Variants in DPP6 observed in about 807,000 individuals in gnomAD.
DPP6 encodes the protein dipeptidyl peptidase like 6, also known as A-type potassium channel modulatory protein DPP6.
A neutral mutation model predicts 122.6 loss-of-function variants in DPP6; 69 were observed. That is an observed-to-expected ratio of 0.56 (90% confidence interval 0.46 to 0.69). The LOEUF (loss-of-function observed/expected upper bound fraction) is 0.69. DPP6 is among the 30% of genes least tolerant of loss of function. The probability of loss-of-function intolerance (pLI) is 0.00; values close to 1 mark genes in which losing one functional copy is unlikely to be tolerated. For synonymous variants in DPP6, 418 were observed against 433.1 expected, an observed-to-expected ratio of 0.97 and a Z score of 0.43; for missense variants, 928 against 1,116.9, an observed-to-expected ratio of 0.83 and a Z score of 2.41.
chr7:154,261,857 C>G (rs1040876477), intron 1 of DPP6, among the ~76,000 whole-genome samples: 1 of 152,218 alleles, frequency 6.6e-6, no homozygotes, highest in Non-Finnish European at 1.5e-5. Flanking sequence ...CTTACTCCTG[C>G]AAGAATGATT....
intron 3 of DPP6, among the ~76,000 whole-genome samples, chr7:154,536,557 C>G (rs1204705579): frequency 2.0e-5 from 3 of 152,098 alleles, no homozygotes; most frequent in African/African-American, 7.2e-5. Context: ...GAATTCTTTA[C>G]TAATTTAACA....
At chr7:154,536,905 C>A (rs1828304928) in intron 3 of DPP6, among the ~76,000 whole-genome samples, 3 of 152,254 alleles carry the variant, frequency 2.0e-5, no homozygotes, top group African/African-American at 7.2e-5. Flanking sequence ...AGATTCCTAC[C>A]TCACACCATA....
intron 1 of DPP6, among the ~76,000 whole-genome samples, chr7:153,964,909 T>TGTTCC (rs1563055452): frequency 1.0e-5 from 1 of 95,450 alleles, no homozygotes; most frequent in East Asian, 3.4e-4. Flanking sequence ...CCTTCTTTTC[T>TGTTCC]TTTCCTTTCT....
intron 1 of DPP6, among the ~76,000 whole-genome samples, chr7:153,983,825 T>C (rs1385084473): frequency 6.6e-6 from 1 of 152,206 alleles, no homozygotes; most frequent in African/African-American, 2.4e-5. Flanking sequence ...TTGTGCTTCC[T>C]GAGTGAGGTG....
chr7:154,630,303 A>G (rs1835327592), intron 5 of DPP6, among the ~76,000 whole-genome samples: 1 of 152,300 alleles, frequency 6.6e-6, no homozygotes, highest in African/African-American at 2.4e-5. Context: ...AGACAGGGGC[A>G]ACTTTGGCTA....
intron 5 of DPP6, among the ~76,000 whole-genome samples, chr7:154,590,558 G>A (rs1260035404): frequency 1.4e-5 from 2 of 147,838 alleles, no homozygotes; most frequent in African/African-American, 5.1e-5. Flanking sequence ...GTTTGATATG[G>A]AGTTTAACTC....
intron 1 of DPP6, among the ~76,000 whole-genome samples, chr7:153,895,482 C>T (rs568683424): frequency 5.3e-5 from 8 of 152,332 alleles, no homozygotes; most frequent in Admixed American, 1.3e-4. Flanking sequence ...TAGAAGTCAC[C>T]TTCCATGCCA....
chr7:154,399,168 A>C (rs1034974360), intron 1 of DPP6, among the ~76,000 whole-genome samples: 20 of 152,220 alleles, frequency 1.3e-4, no homozygotes, highest in African/African-American at 4.6e-4. Context: ...GAGAAGCCAC[A>C]CTATCTCTAG....
At chr7:154,802,116 C>A (rs974446748) in intron 13 of DPP6, among the ~76,000 whole-genome samples, 2 of 152,042 alleles carry the variant, frequency 1.3e-5, no homozygotes, top group African/African-American at 2.4e-5. Context: ...TTGGGGGACT[C>A]TGCCCTGAGG....
chr7:154,773,004 C>T, intron 10 of DPP6, 62 bp downstream of exon 10: 2 of 1,476,020 alleles, frequency 1.4e-6, no homozygotes, highest in African/African-American at 1.4e-5. Flanking sequence ...GTTCAATGTG[C>T]ATGGTCTCTT....
chr7:154,439,043 C>A (rs1223161267), intron 1 of DPP6, among the ~76,000 whole-genome samples: 1 of 152,156 alleles, frequency 6.6e-6, no homozygotes, highest in Non-Finnish European at 1.5e-5. Flanking sequence ...GGGTGGCAAG[C>A]CCTTTTTAAA....
intron 8 of DPP6, among the ~76,000 whole-genome samples, chr7:154,758,644 T>C (rs1795311100): frequency 6.6e-6 from 1 of 152,204 alleles, no homozygotes; most frequent in South Asian, 2.1e-4. Flanking sequence ...AGTGCTGAGA[T>C]TACAGGTGTG....
At chr7:154,485,116 C>T (rs1823671965) in intron 3 of DPP6, among the ~76,000 whole-genome samples, 1 of 152,050 alleles carries the variant, frequency 6.6e-6, no homozygotes, top group South Asian at 2.1e-4. Flanking sequence ...CCCTCGAGGG[C>T]ACTTGGTACA....
intron 1 of DPP6, among the ~76,000 whole-genome samples, chr7:154,390,453 G>GC (rs1278215287): frequency 1.3e-5 from 2 of 152,260 alleles, no homozygotes; most frequent in Admixed American, 6.5e-5. Context: ...GTTTTATTCT[G>GC]TGAGATTGGA....
At chr7:153,912,692 A>G (rs1246788556) in intron 1 of DPP6, among the ~76,000 whole-genome samples, 2 of 152,190 alleles carry the variant, frequency 1.3e-5, no homozygotes, top group African/African-American at 2.4e-5. Flanking sequence ...GAAATTCAGT[A>G]TTCTCTAAGG....
the DPP6 span, among the ~76,000 whole-genome samples, chr7:153,842,960 A>T: frequency 6.6e-6 from 1 of 152,036 alleles, no homozygotes; most frequent in African/African-American, 2.4e-5. Flanking sequence ...CGATGCCCCC[A>T]CTCACCCACC....
chr7:154,851,411 T>C (rs982486039), intron 16 of DPP6, among the ~76,000 whole-genome samples: 11 of 152,254 alleles, frequency 7.2e-5, no homozygotes, highest in African/African-American at 2.7e-4. Context: ...TAAGAGATAT[T>C]CTGTTTTCAA....
At chr7:154,776,177 C>A (rs1339563769) in intron 10 of DPP6, among the ~76,000 whole-genome samples, 1 of 142,090 alleles carries the variant, frequency 7.0e-6, no homozygotes, top group Non-Finnish European at 1.6e-5. Context: ...CCTACAGTGG[C>A]CTCAGAAGCC....
At chr7:154,876,295 A>G in intron 20 of DPP6, 195 bp downstream of exon 20, 1 of 1,019,980 alleles carries the variant, frequency 9.8e-7, no homozygotes, top group Non-Finnish European at 1.3e-6. Context: ...AGGGACATTT[A>G]TAACTAGTTT....
Sources: gnomAD v4.1 joint callset for allele counts (sites outside exome capture counted in the v4.1 genomes callset) on GRCh38, gnomAD v4.1.1 for gene constraint, MANE v1.5 for transcripts, NCBI Gene and HGNC (gene_info 2026-07-23, HGNC 2026-07-21) for gene names.